Variants in GPC5 observed in about 807,000 individuals in gnomAD.
GPC5 encodes glypican-5.
A neutral mutation model predicts 53.9 loss-of-function variants in GPC5; 47 were observed. That is an observed-to-expected ratio of 0.87 (90% CI 0.69 to 1.11). The LOEUF (loss-of-function observed/expected upper bound fraction) is 1.11. Among genes scored for constraint, GPC5 ranks in the 50% most tolerant of loss-of-function variants. The pLI is 0.00. For synonymous variants in GPC5, 286 were observed against 263.3 expected (o/e 1.09, Z -0.84); for missense variants, 748 against 713.1 (o/e 1.05, Z -0.56).
At chr13:91,444,697 A>G (rs1020240354) in intron 1 of GPC5, among the ~76,000 whole-genome samples, 4 of 152,028 alleles carry the variant, frequency 2.6e-5, no homozygotes, top group African/African-American at 9.7e-5. Context: ...CACTTACAGC[A>G]TTTCTCTTCT....
intron 6 of GPC5, among the ~76,000 whole-genome samples, chr13:91,962,865 G>T (rs2040139219): frequency 6.6e-6 from 1 of 152,024 alleles, no homozygotes; most frequent in Admixed American, 6.6e-5. Flanking sequence ...TTAGCCTACT[G>T]GTGTGTTTTG....
chr13:91,603,766 G>C (rs1970945), intron 2 of GPC5, among the ~76,000 whole-genome samples: 147,275 of 152,248 alleles, frequency 0.97, 71,409 homozygotes, highest in East Asian at 1. Context: ...ATACAATATG[G>C]ACTTATCTCT....
At chr13:92,393,540 T>G (rs938169749) in intron 7 of GPC5, among the ~76,000 whole-genome samples, 1 of 152,158 alleles carries the variant, frequency 6.6e-6, no homozygotes, top group African/African-American at 2.4e-5. Context: ...TCCCAGCTAC[T>G]CAGGAGGCTG....
intron 7 of GPC5, among the ~76,000 whole-genome samples, chr13:92,445,553 A>T (rs1877777813): frequency 7.0e-6 from 1 of 142,908 alleles, no homozygotes; most frequent in South Asian, 2.2e-4. Flanking sequence ...CCTATGAGTG[A>T]GAATATGTGG....
chr13:92,281,269 C>T (rs2042913480), intron 7 of GPC5, among the ~76,000 whole-genome samples: 1 of 152,194 alleles, frequency 6.6e-6, no homozygotes, highest in African/African-American at 2.4e-5. Flanking sequence ...CTGGGTGGAG[C>T]CCACCACAGC....
At chr13:92,475,621 A>G (rs1341744091) in intron 7 of GPC5, among the ~76,000 whole-genome samples, 2 of 152,166 alleles carry the variant, frequency 1.3e-5, no homozygotes, top group African/African-American at 2.4e-5. Flanking sequence ...AAAGCACACT[A>G]CCTGACTTCA....
chr13:92,278,736 C>G (rs2042893058), intron 7 of GPC5, among the ~76,000 whole-genome samples: 1 of 151,848 alleles, frequency 6.6e-6, no homozygotes, highest in Admixed American at 6.6e-5. Flanking sequence ...CAACTTTATT[C>G]TTTAGAATAT....
chr13:92,479,863 T>C (rs1219366743), intron 7 of GPC5, among the ~76,000 whole-genome samples: 8 of 152,286 alleles, frequency 5.3e-5, no homozygotes, highest in African/African-American at 1.2e-4. Context: ...ATTAGCCTTA[T>C]GTGTGTGTAT....
At chr13:92,178,834 G>C (rs151004455) in intron 7 of GPC5, among the ~76,000 whole-genome samples, 2 of 152,060 alleles carry the variant, frequency 1.3e-5, no homozygotes, top group African/African-American at 2.4e-5. Flanking sequence ...AAATTAGCCA[G>C]GTGTGGTGGC....
At chr13:91,482,517 A>G (rs1478558677) in intron 2 of GPC5, among the ~76,000 whole-genome samples, 1 of 152,224 alleles carries the variant, frequency 6.6e-6, no homozygotes, top group Non-Finnish European at 1.5e-5. Flanking sequence ...TCTAGCAACC[A>G]TCATTTAGGA....
At chr13:92,626,950 CATATT>C (rs1885065501) in intron 7 of GPC5, among the ~76,000 whole-genome samples, 1 of 152,054 alleles carries the variant, frequency 6.6e-6, no homozygotes, top group African/African-American at 2.4e-5. Context: ...CAAATAATAA[CATATT>C]ATGTTTTCCT....
At chr13:91,934,553 G>C (rs2039852416) in intron 6 of GPC5, among the ~76,000 whole-genome samples, 1 of 151,944 alleles carries the variant, frequency 6.6e-6, no homozygotes, top group South Asian at 2.1e-4. Context: ...TGTCTTCCAA[G>C]AGCAAAGTTG....
chr13:92,089,590 T>C (rs1036691441), intron 6 of GPC5, among the ~76,000 whole-genome samples: 1 of 152,216 alleles, frequency 6.6e-6, no homozygotes, highest in African/African-American at 2.4e-5. Context: ...TCATAAGATG[T>C]ATTTGTTCAA....
intron 7 of GPC5, among the ~76,000 whole-genome samples, chr13:92,231,082 T>A (rs1472042704): frequency 6.6e-6 from 1 of 152,160 alleles, no homozygotes; most frequent in East Asian, 1.9e-4. Flanking sequence ...CTGTCAAATA[T>A]CAGCTTCTTA....
chr13:92,141,368 A>T (rs1368618335), intron 6 of GPC5, among the ~76,000 whole-genome samples: 2 of 152,158 alleles, frequency 1.3e-5, no homozygotes, highest in Non-Finnish European at 2.9e-5. Context: ...GAATCACGCA[A>T]TTATATTTCT....
intron 6 of GPC5, among the ~76,000 whole-genome samples, chr13:92,056,479 A>C (rs1475137274): frequency 6.6e-6 from 1 of 152,184 alleles, no homozygotes; most frequent in South Asian, 2.1e-4. Context: ...GAGGGGGAGC[A>C]TGACTCTGTT....
intron 7 of GPC5, chr13:92,241,456 AC>A (rs2042611037): frequency 6.6e-6 from 1 of 152,200 alleles, no homozygotes; most frequent in African/African-American, 2.4e-5. Context: ...TTAGCAGTTC[AC>A]AGTAATGTTA....
At chr13:91,571,891 GTA>G in intron 2 of GPC5, among the ~76,000 whole-genome samples, 1 of 77,622 alleles carries the variant, frequency 1.3e-5, no homozygotes, top group South Asian at 3.8e-4. Flanking sequence ...ATATACGTGT[GTA>G]TATACACATA....
At chr13:92,586,113 T>C (rs901266686) in intron 7 of GPC5, among the ~76,000 whole-genome samples, 13 of 152,210 alleles carry the variant, frequency 8.5e-5, no homozygotes, top group African/African-American at 2.7e-4. Context: ...TCGTGAAGAC[T>C]GTAGTGACGG....
Sources: gnomAD v4.1 joint callset for allele counts (sites outside exome capture counted in the v4.1 genomes callset) on GRCh38, gnomAD v4.1.1 for gene constraint, MANE v1.5 for transcripts, NCBI Gene and HGNC (gene_info 2026-07-23, HGNC 2026-07-21) for gene names.